Variants in CPSF4L observed in about 807,000 individuals in gnomAD.
CPSF4L encodes cleavage and polyadenylation specific factor 4 like.
CPSF4L carries 18 observed loss-of-function variants against 24.0 expected under a neutral mutation model. The ratio of observed to expected loss-of-function variants is 0.75; its 90% CI spans 0.52 to 1.11. The LOEUF (loss-of-function observed/expected upper bound fraction) is 1.11, where lower values mean the gene tolerates loss of function less well. Among genes scored for constraint, CPSF4L ranks in the 50% least tolerant of loss-of-function variants. The pLI, the probability that CPSF4L is intolerant of heterozygous loss-of-function variation, is 0.00. For missense variants in CPSF4L, 211 were observed against 221.8 expected, an observed-to-expected ratio of 0.95 and a Z score of 0.31; for synonymous variants, 72 against 77.2, an observed-to-expected ratio of 0.93 and a Z score of 0.35.
upstream of CPSF4L, among the ~76,000 whole-genome samples, chr17:73,263,622 G>A (rs545355945): frequency 6.6e-6 from 1 of 151,566 alleles, no homozygotes; most frequent in Non-Finnish European, 1.5e-5. Context: ...TGGGGGCAAT[G>A]AGGCTTAAGA....
At chr17:73,252,922 G>A (rs2062011225) in intron 4 of CPSF4L, among the ~76,000 whole-genome samples, 199 bp from the exon 5 acceptor site, 1 of 152,178 alleles carries the variant, frequency 6.6e-6, no homozygotes, top group Admixed American at 6.5e-5. Flanking sequence ...AAGGAACCTT[G>A]GAATGTGCTG....
At chr17:73,247,645 G>A (rs2061970262), downstream of CPSF4L, 3 of 231,988 alleles carry the variant, frequency 1.3e-5, no homozygotes, top group South Asian at 2.3e-4. Context: ...GTCCTAAAAG[G>A]ATATCTGCCT....
chr17:73,245,129 G>A, downstream of CPSF4L: 1 of 1,601,824 alleles, frequency 6.2e-7, no homozygotes, highest in Non-Finnish European at 8.6e-7. Flanking sequence ...ATTGGAAGTG[G>A]CCTCTCGGAT....
intron 2 of CPSF4L, among the ~76,000 whole-genome samples, chr17:73,260,335 C>G (rs1023466901): frequency 6.6e-6 from 1 of 152,182 alleles, no homozygotes; most frequent in African/African-American, 2.4e-5. Flanking sequence ...GAAAAAAATA[C>G]CCCTTTCCAG....
chr17:73,242,865 G>GT, the CPSF4L span: 9 of 1,582,350 alleles, frequency 5.7e-6, no homozygotes, highest in South Asian at 6.9e-5. Context: ...TTCAGTTGCT[G>GT]TAACAACAAG....
At chr17:73,247,186 G>A (rs970774579), downstream of CPSF4L, 50 of 1,529,538 alleles carry the variant, frequency 3.3e-5, no homozygotes, top group Middle Eastern at 1.8e-4. Flanking sequence ...GAGTAGTTGC[G>A]ACAGAAACCA....
chr17:73,259,354 TA>T (rs59789741), intron 2 of CPSF4L, among the ~76,000 whole-genome samples: 104,873 of 150,086 alleles, frequency 0.7, 39,213 homozygotes, highest in Non-Finnish European at 0.83. Flanking sequence ...TTTCCTTTTT[TA>T]AAAAAAAAAA....
chr17:73,261,069 A>G (rs1052421922), intron 1 of CPSF4L, 86 bp from the exon 2 acceptor site: 1 of 1,090,528 alleles, frequency 9.2e-7, no homozygotes, highest in Non-Finnish European at 1.4e-6. Flanking sequence ...GGCATGTCCC[A>G]CCTAGACCTC....
chr17:73,242,677 C>A, the CPSF4L span, among the ~76,000 whole-genome samples: 1 of 152,228 alleles, frequency 6.6e-6, no homozygotes, highest in African/African-American at 2.4e-5. Flanking sequence ...CCTCCTCCCA[C>A]TAAAGATTTT....
chr17:73,256,967 C>T (rs1414983173), intron 3 of CPSF4L, among the ~76,000 whole-genome samples: 1 of 152,152 alleles, frequency 6.6e-6, no homozygotes, highest in Non-Finnish European at 1.5e-5. Context: ...GTGGAGATTG[C>T]AGTGAGTCAA....
Position 73,260,981 on chromosome 17 carries a change from A to C in CPSF4L, c.106T>G (p.Ser36Ala). ...GLLPFQGMDK[S>A]ASAVCNFFTK... ...AAGAAGTTGCACACAGCTGAGGCCG[A>C]CTCTGGAAGGAGAAGAGGGAACGGA... Residue 36 changes from serine (S) to alanine (A), a missense_variant and splice_region_variant, in exon 2 of 6, where the codon TCG becomes GCG. Physicochemically the swap from Ser to Ala is moderately conservative, Grantham distance 99. Transcript: ENST00000344935. 1 of 1,550,006 alleles carries C rather than the reference A, an allele frequency of 6.5e-7. No individual in the cohort carries two copies. Among genetic ancestry groups the C allele is most frequent in the Non-Finnish European group, 8.7e-7 (1 of 1,146,054 alleles).
downstream of CPSF4L, chr17:73,248,176 AT>A: frequency 3.2e-6 from 1 of 314,866 alleles, no homozygotes; most frequent in Non-Finnish European, 5.9e-6. Flanking sequence ...CTATCAGTTC[AT>A]TTGCACAGCC....
chr17:73,248,809 A>T, intron 5 of CPSF4L: 1 of 388,058 alleles, frequency 2.6e-6, no homozygotes, highest in Non-Finnish European at 4.6e-6. Context: ...TTTACTTGGG[A>T]ATGTGTAGTT....
At chr17:73,263,462 G>A (rs1278159743), upstream of CPSF4L, among the ~76,000 whole-genome samples, 1 of 152,192 alleles carries the variant, frequency 6.6e-6, no homozygotes, top group Non-Finnish European at 1.5e-5. Context: ...GGGGTAGCAG[G>A]CAGAGCTCTC....
intron 5 of CPSF4L, 166 bp from the exon 6 acceptor site, chr17:73,248,702 G>C (rs1380224900): frequency 1.4e-6 from 1 of 710,140 alleles, no homozygotes; most frequent in Non-Finnish European, 2.4e-6. Flanking sequence ...TCACGGACAT[G>C]CCTGAATACC....
At chr17:73,260,785 A>T (rs2062042059) in intron 2 of CPSF4L, 148 bp downstream of exon 2, 1 of 505,580 alleles carries the variant, frequency 2.0e-6, no homozygotes, top group African/African-American at 1.9e-5. Context: ...TAAATAAAAT[A>T]AAAATAAAAT....
At chr17:73,253,084 G>T (rs1216830363) in intron 4 of CPSF4L, among the ~76,000 whole-genome samples, 2 of 152,198 alleles carry the variant, frequency 1.3e-5, no homozygotes, top group East Asian at 3.9e-4. Flanking sequence ...GACCTGGCCG[G>T]GTGGGGTGGC....
chr17:73,242,831 T>TTC, the CPSF4L span: 4 of 1,307,046 alleles, frequency 3.1e-6, no homozygotes, highest in African/African-American at 2.9e-5. Flanking sequence ...AAAACTTGAA[T>TTC]GACTCGCGGA....
chr17:73,247,117 AGCCCTGCTCAT>A (rs2061961367), downstream of CPSF4L: 1 of 794,486 alleles, frequency 1.3e-6, no homozygotes, highest in African/African-American at 1.7e-5. Flanking sequence ...TACAAAAACA[AGCCCTGCTCAT>A]TTGGTTAGGT....
Sources: gnomAD v4.1 joint callset for allele counts (sites outside exome capture counted in the v4.1 genomes callset) on GRCh38, gnomAD v4.1.1 for gene constraint, MANE v1.5 for transcripts, NCBI Gene and HGNC (gene_info 2026-07-23, HGNC 2026-07-21) for gene names.